Variants in DCC observed in about 807,000 individuals in gnomAD.
The protein encoded by DCC is DCC netrin 1 receptor, also known as netrin receptor DCC.
In DCC, 58 loss-of-function variants were observed where a neutral mutation model predicts 172.5. That is an observed-to-expected ratio of 0.34 (90% CI 0.27 to 0.42). The LOEUF (loss-of-function observed/expected upper bound fraction) is 0.42, where lower values mean the gene tolerates loss of function less well. Ranked by LOEUF, DCC falls within the 10% of genes least tolerant of loss-of-function variation. DCC has a pLI of 1.00. For synonymous variants in DCC, 709 were observed against 644.5 expected, an observed-to-expected ratio of 1.10 and a Z score of -1.52; for missense variants, 1,740 against 1,791.0, an observed-to-expected ratio of 0.97 and a Z score of 0.51.
At position 53,179,134 on chromosome 18, in the gene DCC, C is replaced by G. The variant is rs116119601; in HGVS notation, c.1573+18C>G. On this transcript the variant is annotated intron_variant, in intron 9 of 28. Transcript: ENST00000442544. Reference sequence around the variant, plus strand: ...GCCTGAGTGTGAGTATGAAAAGGAACGGGCCACATTTAAAAAGTATTTATT... The same window carrying G: ...GCCTGAGTGTGAGTATGAAAAGGAAGGGGCCACATTTAAAAAGTATTTATT... The G allele has an allele frequency of 6.2e-7, 1 of 1,610,352 alleles. No homozygotes were observed. Among genetic ancestry groups the G allele is most frequent in the East Asian group, 2.2e-5 (1 of 44,856 alleles).
intron 2 of DCC, among the ~76,000 whole-genome samples, chr18:52,894,416 CACAT>C (rs1050403617): frequency 4.0e-5 from 6 of 151,318 alleles, no homozygotes; most frequent in Admixed American, 2.0e-4. Flanking sequence ...CACACACACA[CACAT>C]GCATACACAC....
chr18:52,929,817 A>AGC (rs1408326318), intron 5 of DCC, among the ~76,000 whole-genome samples: 1 of 144,790 alleles, frequency 6.9e-6, no homozygotes, highest in Non-Finnish European at 1.5e-5. Flanking sequence ...GGACTTTGCA[A>AGC]ACACACACAC....
At chr18:52,728,653 G>A (rs1226626662) in intron 1 of DCC, among the ~76,000 whole-genome samples, 1 of 152,178 alleles carries the variant, frequency 6.6e-6, no homozygotes, top group East Asian at 1.9e-4. Flanking sequence ...TGGATGTAGA[G>A]AATTACAATG....
intron 7 of DCC, among the ~76,000 whole-genome samples, chr18:53,108,679 TCCCACC>T (rs1166637756): frequency 1.1e-4 from 16 of 151,934 alleles, no homozygotes; most frequent in African/African-American, 3.9e-4. Flanking sequence ...ATGAATGGAA[TCCCACC>T]ATGTATATTA....
intron 1 of DCC, among the ~76,000 whole-genome samples, chr18:52,658,109 C>T (rs562482537): frequency 3.0e-4 from 45 of 152,202 alleles, no homozygotes; most frequent in Non-Finnish European, 5.6e-4. Flanking sequence ...GTTTATGACA[C>T]GATTAGTTTG....
chr18:52,729,520 A>G (rs2145091408), intron 1 of DCC, among the ~76,000 whole-genome samples: 1 of 152,286 alleles, frequency 6.6e-6, no homozygotes, highest in East Asian at 1.9e-4. Context: ...TTGGCCTCCC[A>G]AAGTGCTGGG....
At chr18:52,626,093 C>G (rs188625225) in intron 1 of DCC, among the ~76,000 whole-genome samples, 4 of 152,250 alleles carry the variant, frequency 2.6e-5, no homozygotes, top group South Asian at 2.1e-4. Context: ...TAATGACAAC[C>G]AGCATGTTTC....
chr18:53,237,891 A>T (rs559614769), intron 12 of DCC, among the ~76,000 whole-genome samples: 2 of 152,310 alleles, frequency 1.3e-5, no homozygotes, highest in East Asian at 3.9e-4. Context: ...AAACAACTAG[A>T]TTATCATCTT....
intron 1 of DCC, among the ~76,000 whole-genome samples, chr18:52,700,264 ACT>A (rs2036093665): frequency 7.3e-6 from 1 of 137,768 alleles, no homozygotes; most frequent in African/African-American, 2.8e-5. Context: ...GCACATCCAC[ACT>A]CTTGTGCACA....
chr18:53,019,714 C>G (rs1455552831), intron 5 of DCC, among the ~76,000 whole-genome samples: 2 of 152,114 alleles, frequency 1.3e-5, no homozygotes, highest in African/African-American at 4.8e-5. Context: ...GGATCAAATT[C>G]AGCTGACCAT....
chr18:52,474,734 C>G lies in DCC; in HGVS notation c.91+133856C>G, dbSNP rs530897889. Among the ~76,000 whole-genome samples, 9 of 152,278 alleles carry G rather than the reference C, an allele frequency of 5.9e-5. No individual in the cohort carries two copies. The South Asian group carries it at 1.5e-3, about 25-fold the overall frequency. On this transcript the variant is annotated intron_variant, in intron 1 of 28. Transcript: ENST00000442544. ...CCAAGATTATAGAACTTGTTAGAGA[C>G]AGACCCAGGATAAGAATTCAGATCT...
intron 1 of DCC, among the ~76,000 whole-genome samples, chr18:52,489,656 G>A (rs947288917): frequency 2.0e-5 from 3 of 152,056 alleles, no homozygotes; most frequent in Admixed American, 6.6e-5. Flanking sequence ...ATAGATATTT[G>A]TGTTAAGTCC....
intron 12 of DCC, among the ~76,000 whole-genome samples, chr18:53,251,735 A>C (rs997408090): frequency 6.6e-6 from 1 of 152,020 alleles, no homozygotes; most frequent in African/African-American, 2.4e-5. Flanking sequence ...AATAATAAGA[A>C]GAATAGATGC....
intron 1 of DCC, among the ~76,000 whole-genome samples, chr18:52,741,360 A>T (rs139952934): frequency 3.7e-4 from 56 of 152,288 alleles, no homozygotes; most frequent in Middle Eastern, 6.8e-3. Flanking sequence ...TGTTCTCAAG[A>T]CAGCAACCAG....
chr18:53,494,503 G>T (rs1428128322), intron 26 of DCC, among the ~76,000 whole-genome samples: 2 of 152,126 alleles, frequency 1.3e-5, no homozygotes, highest in African/African-American at 4.8e-5. Context: ...TCCTGCATTG[G>T]GTGCATATAC....
At chr18:52,944,149 A>G (rs2040504983) in intron 5 of DCC, among the ~76,000 whole-genome samples, 1 of 152,216 alleles carries the variant, frequency 6.6e-6, no homozygotes, top group African/African-American at 2.4e-5. Context: ...AACATTTCTC[A>G]GTCTCACTTT....
At chr18:52,926,167 C>T (rs1405102256) in intron 5 of DCC, among the ~76,000 whole-genome samples, 1 of 151,744 alleles carries the variant, frequency 6.6e-6, no homozygotes, top group African/African-American at 2.4e-5. Flanking sequence ...TTTAAAGAAT[C>T]TCAGAAAAAT....
At chr18:52,653,352 G>A (rs1683507444) in intron 1 of DCC, among the ~76,000 whole-genome samples, 1 of 152,140 alleles carries the variant, frequency 6.6e-6, no homozygotes, top group South Asian at 2.1e-4. Context: ...ATGACCAGGT[G>A]ATATGTGATA....
At chr18:52,470,479 A>T (rs73955650) in intron 1 of DCC, among the ~76,000 whole-genome samples, 6,467 of 152,242 alleles carry the variant, frequency 0.042, 180 homozygotes, top group South Asian at 0.12. Flanking sequence ...TGAGGAAGGG[A>T]TCTGAGTCTT....
Sources: gnomAD v4.1 joint callset for allele counts (sites outside exome capture counted in the v4.1 genomes callset) on GRCh38, gnomAD v4.1.1 for gene constraint, MANE v1.5 for transcripts, NCBI Gene and HGNC (gene_info 2026-07-23, HGNC 2026-07-21) for gene names.